SCN1A: variants seen among roughly 807,000 people sequenced by gnomAD.
SCN1A encodes the protein sodium voltage-gated channel alpha subunit 1.
In SCN1A, 13 loss-of-function variants were observed where a neutral mutation model predicts 193.7. The ratio of observed to expected loss-of-function variants is 0.07; its 90% confidence interval spans 0.04 to 0.11. SCN1A has a LOEUF of 0.11. Ranked by LOEUF, SCN1A falls within the 10% of genes least tolerant of loss-of-function variation. SCN1A has a pLI of 1.00. For synonymous variants in SCN1A, 781 were observed against 843.6 expected, an observed-to-expected ratio of 0.93 and a Z score of 1.29; for missense variants, 1,432 against 2,451.1, an observed-to-expected ratio of 0.58 and a Z score of 8.78.
intron 2 of SCN1A, chr2:166,123,393 C>T (rs1177698777): frequency 6.6e-6 from 1 of 152,126 alleles, no homozygotes; most frequent in Admixed American, 6.5e-5. Flanking sequence ...GGAAGAAAAA[C>T]TGACTGGGTG....
intron 4 of SCN1A, among the ~76,000 whole-genome samples, chr2:166,069,003 G>T (rs1684134130): frequency 6.6e-6 from 1 of 152,060 alleles, no homozygotes; most frequent in African/African-American, 2.4e-5. Flanking sequence ...AGTGGGTAAA[G>T]AATTTGAATG....
rs2105414725 is a variant in SCN1A, at chr2:165,990,294, T to C, written c.*951A>G. 6.6e-6 allele frequency: 1 copy of C among 152,652 alleles called. No homozygotes were observed. 9.5% of individuals were successfully genotyped at this position (152,652 alleles called of 1,614,324 possible). A position where few individuals can be genotyped will look rare whatever the true frequency, so the allele number is the denominator to read the frequency against. Reference sequence around the variant, plus strand: ...TAATAAATAGCATTTCATTAACATATACAGTGTCAACCTTGCTGAGAGCCG... The same window carrying C: ...TAATAAATAGCATTTCATTAACATACACAGTGTCAACCTTGCTGAGAGCCG... On this transcript the variant is annotated 3_prime_UTR_variant, in exon 29 of 29. Coordinates refer to ENST00000674923, the MANE Select transcript of SCN1A (RefSeq NM_001165963.4).
intron 4 of SCN1A, among the ~76,000 whole-genome samples, chr2:166,063,819 A>C (rs567406693): frequency 6.6e-6 from 1 of 152,174 alleles, no homozygotes; most frequent in Non-Finnish European, 1.5e-5. Flanking sequence ...AATTTTTGAG[A>C]TATGTATATT....
rs1689059694 is a variant in SCN1A at position 165,991,050 on chromosome 2, G to T, written c.*195C>A. The T allele has an allele frequency of 3.4e-6, 2 of 580,488 alleles. No homozygotes were observed. Among genetic ancestry groups the T allele is most frequent in the South Asian group, 4.3e-5 (2 of 46,800 alleles). The allele number at this position is 580,488 out of a possible 1,614,324, so 36.0% of individuals were successfully genotyped here. A position where few individuals can be genotyped will look rare whatever the true frequency, so the allele number is the denominator to read the frequency against. On this transcript the variant is annotated 3_prime_UTR_variant, in exon 29 of 29. Coordinates refer to ENST00000674923, the MANE Select transcript of SCN1A (RefSeq NM_001165963.4). ...GTGAGAACAGTAACCTCCTGTCAAG[G>T]TCATCTCCCCTTTACACAGAGTCAC... is the stretch of plus-strand genomic sequence containing the variant.
chr2:166,079,463 G>A (rs1339446255), intron 2 of SCN1A, among the ~76,000 whole-genome samples: 4 of 145,030 alleles, frequency 2.8e-5, no homozygotes, highest in Non-Finnish European at 6.1e-5. Context: ...CATCAATTCG[G>A]TTTCATCCTT....
chr2:166,045,388 G>A (rs367655999), intron 12 of SCN1A, 61 bp from the exon 13 acceptor site: 1 of 739,424 alleles, frequency 1.4e-6, no homozygotes, highest in Non-Finnish European at 2.0e-6. Flanking sequence ...TTCTTTGAAA[G>A]GGCTGAAGTA....
chr2:166,106,063 T>C (rs1367913086), intron 2 of SCN1A, among the ~76,000 whole-genome samples: 3 of 152,188 alleles, frequency 2.0e-5, no homozygotes, highest in Non-Finnish European at 4.4e-5. Context: ...GGCAAGTGCC[T>C]GTAGTCCCAG....
intron 16 of SCN1A, among the ~76,000 whole-genome samples, chr2:166,040,140 G>C (rs1574197035): frequency 6.6e-6 from 1 of 151,968 alleles, no homozygotes; most frequent in Non-Finnish European, 1.5e-5. Flanking sequence ...GGATGGTCTC[G>C]ATCTCCTGAC....
chr2:166,053,246 C>T (rs1698790636), intron 7 of SCN1A: 2 of 608,948 alleles, frequency 3.3e-6, no homozygotes, highest in South Asian at 2.1e-5. Flanking sequence ...AGTGGTAAAT[C>T]AGGAATTAGA....
At chr2:166,117,552 GTTC>G (rs1392219573) in intron 2 of SCN1A, among the ~76,000 whole-genome samples, 2 of 152,078 alleles carry the variant, frequency 1.3e-5, no homozygotes, top group African/African-American at 4.8e-5. Flanking sequence ...GGGTTTCATT[GTTC>G]TTCCAAATGT....
Position 165,991,211 on chromosome 2 carries a change from A to G in SCN1A, c.*34T>C. On this transcript the variant is annotated 3_prime_UTR_variant, in exon 29 of 29. Transcript: ENST00000674923. ...TACATCACCTTCACAGGCTGTAAAC[A>G]ATTTGTCACCCAATTATTTTTATTT... 6.4e-7 allele frequency: 1 copy of G among 1,556,884 alleles called. No homozygotes were observed. The highest frequency in any genetic ancestry group is 8.7e-7 in the Non-Finnish European group (1 of 1,144,692).
intron 2 of SCN1A, among the ~76,000 whole-genome samples, chr2:166,082,865 A>G (rs1019361345): frequency 3.9e-5 from 6 of 152,116 alleles, no homozygotes; most frequent in African/African-American, 1.4e-4. Context: ...TTTAATATCC[A>G]TACTGAAGAG....
chr2:166,047,065 C>T lies in SCN1A; in HGVS notation c.1171-89G>A. The T allele has an allele frequency of 2.1e-6, 3 of 1,414,300 alleles. No homozygotes were observed. In the South Asian group the frequency reaches 3.5e-5, roughly 17 times the overall value. The allele number at this position is 1,414,300 out of a possible 1,614,324, so 87.6% of individuals were successfully genotyped here. A position where few individuals can be genotyped will look rare whatever the true frequency, so the allele number is the denominator to read the frequency against. ...CAATTTACTCATGTGTCTAGCAAAA[C>T]TCAGATATAAATAGTAATTATGTTG... On this transcript the variant is annotated intron_variant, in intron 11 of 28. Coordinates refer to ENST00000674923, the MANE Select transcript of SCN1A (RefSeq NM_001165963.4).
At chr2:166,078,432 TACATATG>T (rs1366320419) in intron 2 of SCN1A, among the ~76,000 whole-genome samples, 2 of 151,608 alleles carry the variant, frequency 1.3e-5, no homozygotes, top group African/African-American at 4.8e-5. Flanking sequence ...TTTACAGTAA[TACATATG>T]TGCTACTCTG....
intron 4 of SCN1A, 69 bp from the exon 5 acceptor site, chr2:166,058,757 GTTAC>G: frequency 1.2e-6 from 1 of 865,038 alleles, no homozygotes; most frequent in Non-Finnish European, 2.0e-6. Context: ...TCTACTTTCT[GTTAC>G]TTGTCATAAT....
At chr2:166,129,411 A>T (rs1422048918), upstream of SCN1A, among the ~76,000 whole-genome samples, 1 of 152,216 alleles carries the variant, frequency 6.6e-6, no homozygotes, top group Non-Finnish European at 1.5e-5. Context: ...TTGTGGATCC[A>T]TCTTTTTATC....
At chr2:166,146,381 T>C (rs963278695) in intron 1 of SCN1A, among the ~76,000 whole-genome samples, 4 of 150,504 alleles carry the variant, frequency 2.7e-5, no homozygotes, top group African/African-American at 7.2e-5. Context: ...AAAGGATAAA[T>C]GATATATTTG....
rs112244937 is a variant in SCN1A at position 165,991,639 on chromosome 2, C to T, written c.5636G>A (p.Ser1879Asn). ...TATTCGTAGAGCATCCATCTCTCCA[C>T]TCTCTCCTAGAACCCGCTTTGTAAA... ...FAFTKRVLGE[S>N]GEMDALRIQM... Residue 1879 changes from serine (S) to asparagine (N), a missense_variant, in exon 29 of 29, where the codon AGT becomes AAT. Physicochemically the swap from Ser to Asn is conservative, Grantham distance 46. This residue lies in a region of SCN1A where 148 missense variants were observed against 160.3 expected (regional missense o/e 0.92). Coordinates refer to ENST00000674923, the MANE Select transcript of SCN1A (RefSeq NM_001165963.4). 6.2e-7 allele frequency: 1 copy of T among 1,613,950 alleles called. No homozygotes were observed. Among genetic ancestry groups the T allele is most frequent in the Non-Finnish European group, 8.5e-7 (1 of 1,179,924 alleles).
chr2:166,051,592 C>T, intron 9 of SCN1A, 127 bp downstream of exon 9: 1 of 662,074 alleles, frequency 1.5e-6, no homozygotes. Context: ...TGTTTTGATA[C>T]AGGCCTGCAA....
Sources: gnomAD v4.1 joint callset for allele counts (sites outside exome capture counted in the v4.1 genomes callset) on GRCh38, gnomAD v4.1.1 for gene constraint, gnomAD v4.1.1 regional missense constraint, MANE v1.5 for transcripts, NCBI Gene and HGNC (gene_info 2026-07-23, HGNC 2026-07-21) for gene names.